DLGAP2: variants seen among roughly 807,000 people sequenced by gnomAD.
DLGAP2 encodes the protein DLG associated protein 2, also known as disks large-associated protein 2.
In DLGAP2, 26 loss-of-function variants were observed where a neutral mutation model predicts 100.3. That is an observed-to-expected ratio of 0.26 (90% confidence interval 0.19 to 0.36). The LOEUF is 0.36. Among genes scored for constraint, DLGAP2 ranks in the 10% least tolerant of loss-of-function variants. The probability of loss-of-function intolerance (pLI) is 1.00; values close to 1 mark genes in which losing one functional copy is unlikely to be tolerated. For synonymous variants in DLGAP2, 886 were observed against 630.1 expected (o/e 1.41, Z -6.08); for missense variants, 1,858 against 1,453.2 (o/e 1.28, Z -4.53).
chr8:1,421,905 G>A (rs938116803), intron 3 of DLGAP2, among the ~76,000 whole-genome samples: 1 of 152,202 alleles, frequency 6.6e-6, no homozygotes, highest in Non-Finnish European at 1.5e-5. Flanking sequence ...GGTGGAGGTT[G>A]CAGTGAGCCG....
intron 3 of DLGAP2, among the ~76,000 whole-genome samples, chr8:1,368,216 CTG>C (rs1162165579): frequency 2.0e-5 from 3 of 151,612 alleles, no homozygotes; most frequent in Non-Finnish European, 2.9e-5. Flanking sequence ...GTCCATATAT[CTG>C]TGTGCAGGTG....
intron 3 of DLGAP2, among the ~76,000 whole-genome samples, chr8:1,345,114 A>G (rs139677138): frequency 1.5e-5 from 2 of 130,208 alleles, no homozygotes; most frequent in African/African-American, 2.7e-5. Flanking sequence ...AGCTGCTTAT[A>G]TAAATGACAT....
At chr8:1,595,920 G>A (rs1009866147) in intron 6 of DLGAP2, among the ~76,000 whole-genome samples, 10 of 151,198 alleles carry the variant, frequency 6.6e-5, no homozygotes, top group East Asian at 1.9e-4. Flanking sequence ...TGTGCACAAC[G>A]GGCAGGTTTG....
intron 5 of DLGAP2, among the ~76,000 whole-genome samples, chr8:1,559,839 C>T (rs1362129546): frequency 6.6e-6 from 1 of 152,188 alleles, no homozygotes; most frequent in Non-Finnish European, 1.5e-5. Flanking sequence ...GCCGGGCCTC[C>T]TTCTGCCCCA....
chr8:1,457,975 CATATATATATATATATATAT>C (rs57897392), intron 3 of DLGAP2, among the ~76,000 whole-genome samples: 58 of 107,738 alleles, frequency 5.4e-4, no homozygotes, highest in South Asian at 2.2e-3. Context: ...GTTCTCTGAT[CATATATATATATATATATAT>C]ATATATATAT....
At chr8:909,736 C>T (rs1380726813) in intron 2 of DLGAP2, among the ~76,000 whole-genome samples, 2 of 152,018 alleles carry the variant, frequency 1.3e-5, no homozygotes, top group Admixed American at 6.6e-5. Context: ...AGGAGTGGCT[C>T]CAGAGAAGAG....
chr8:1,111,649 A>G (rs1450376013), intron 2 of DLGAP2, among the ~76,000 whole-genome samples: 1 of 152,122 alleles, frequency 6.6e-6, no homozygotes, highest in Non-Finnish European at 1.5e-5. Context: ...AAGTGAGAAC[A>G]TGCAGTATTT....
At chr8:1,647,915 T>C (rs1798079213) in intron 8 of DLGAP2, among the ~76,000 whole-genome samples, 3 of 152,060 alleles carry the variant, frequency 2.0e-5, no homozygotes, top group Admixed American at 2.0e-4. Context: ...GGAAAAAGCG[T>C]AAGGAAGTTC....
chr8:1,311,554 C>T (rs1327875542), intron 3 of DLGAP2, among the ~76,000 whole-genome samples: 1 of 152,132 alleles, frequency 6.6e-6, no homozygotes, highest in Non-Finnish European at 1.5e-5. Flanking sequence ...CTTAATCCAA[C>T]AGTGTATTAA....
At position 1,202,310 on chromosome 8, in the gene DLGAP2, G is replaced by GTGTA. The variant is rs1407099362; in HGVS notation, c.74-56536_74-56533dup. 2.1e-4 allele frequency among the ~76,000 whole-genome samples: 32 copies of GTGTA among 151,848 alleles called. No homozygotes were observed. The East Asian group carries it at 2.7e-3, about 13-fold the overall frequency. ...GTATGTAGTATATGTGTGTGTGTGT[G>GTGTA]TGTATGTACTGGGGGTGAGGCCTGG... On this transcript the variant is annotated intron_variant, in intron 2 of 14. Transcript: ENST00000637795.
intron 2 of DLGAP2, among the ~76,000 whole-genome samples, chr8:1,038,837 C>T (rs1168208893): frequency 6.6e-6 from 1 of 152,162 alleles, no homozygotes; most frequent in African/African-American, 2.4e-5. Flanking sequence ...TTTTTTCAGT[C>T]GGAAAATCAA....
At chr8:1,269,725 C>T (rs1464935970) in intron 3 of DLGAP2, among the ~76,000 whole-genome samples, 1 of 152,120 alleles carries the variant, frequency 6.6e-6, no homozygotes, top group Non-Finnish European at 1.5e-5. Context: ...ATCTTGTGAT[C>T]AGATGACCCA....
intron 2 of DLGAP2, among the ~76,000 whole-genome samples, chr8:1,258,271 T>C (rs1399505002): frequency 6.6e-6 from 1 of 152,228 alleles, no homozygotes; most frequent in African/African-American, 2.4e-5. Flanking sequence ...TTATTTCATC[T>C]AAGTAATTTC....
intron 1 of DLGAP2, among the ~76,000 whole-genome samples, chr8:857,602 A>G (rs1344146301): frequency 6.6e-6 from 1 of 152,218 alleles, no homozygotes; most frequent in African/African-American, 2.4e-5. Context: ...CATCAGGGAA[A>G]TGAAAAATAA....
At chr8:1,344,114 T>TTCGGGCCCCTGTCGTGGGTCCGTGTAC (rs1801487340) in intron 3 of DLGAP2, among the ~76,000 whole-genome samples, 1 of 36,894 alleles carries the variant, frequency 2.7e-5, no homozygotes. Flanking sequence ...GGTCCATGTA[T>TTCGGGCCCCTGTCGTGGGTCCGTGTAC]TCGGGGCCCT....
At chr8:1,237,306 TCACA>T (rs577342390) in intron 2 of DLGAP2, among the ~76,000 whole-genome samples, 1,384 of 126,964 alleles carry the variant, frequency 0.011, no homozygotes, top group African/African-American at 0.031. Context: ...TAGTTCTGTC[TCACA>T]CAGAGCATCG....
intron 2 of DLGAP2, among the ~76,000 whole-genome samples, chr8:1,056,356 C>G (rs1019927905): frequency 6.6e-6 from 1 of 152,132 alleles, no homozygotes; most frequent in African/African-American, 2.4e-5. Context: ...TCCTCCAGCT[C>G]TGTGTGTCCT....
chr8:1,286,550 C>T (rs889845328), intron 3 of DLGAP2, among the ~76,000 whole-genome samples: 15 of 152,122 alleles, frequency 9.9e-5, no homozygotes, highest in African/African-American at 2.9e-4. Flanking sequence ...GTCTGGGATG[C>T]GGAGGTGCTT....
chr8:810,935 G>A (rs932880887), intron 1 of DLGAP2, among the ~76,000 whole-genome samples: 3 of 152,256 alleles, frequency 2.0e-5, no homozygotes, highest in African/African-American at 7.2e-5. Context: ...GTGGTTGGAT[G>A]TTCGGGTATA....
Sources: gnomAD v4.1 joint callset for allele counts (sites outside exome capture counted in the v4.1 genomes callset) on GRCh38, gnomAD v4.1.1 for gene constraint, MANE v1.5 for transcripts, NCBI Gene and HGNC (gene_info 2026-07-23, HGNC 2026-07-21) for gene names.